Variants in WDR88 observed in about 807,000 individuals in gnomAD.
WDR88 encodes the protein WD repeat domain 88, also known as WD repeat-containing protein 88.
In WDR88, 40 loss-of-function variants were observed where a neutral mutation model predicts 46.8. The ratio of observed to expected loss-of-function variants is 0.86; its 90% CI spans 0.66 to 1.11. The LOEUF (loss-of-function observed/expected upper bound fraction) is 1.11, where lower values mean the gene tolerates loss of function less well. Among genes scored for constraint, WDR88 ranks in the 50% most tolerant of loss-of-function variants. The probability of loss-of-function intolerance (pLI) is 0.00; values close to 1 mark genes in which losing one functional copy is unlikely to be tolerated. For synonymous variants in WDR88, 235 were observed against 240.7 expected, an observed-to-expected ratio of 0.98 and a Z score of 0.22; for missense variants, 562 against 602.4, an observed-to-expected ratio of 0.93 and a Z score of 0.70.
At chr19:33,146,189 C>T (rs1038407374) in intron 3 of WDR88, among the ~76,000 whole-genome samples, 1 of 152,074 alleles carries the variant, frequency 6.6e-6, no homozygotes, top group African/African-American at 2.4e-5. Context: ...CCCAGCTACT[C>T]GGAGGCTTAG....
chr19:33,147,256 G>T (rs1280027655), intron 3 of WDR88, among the ~76,000 whole-genome samples: 1 of 151,266 alleles, frequency 6.6e-6, no homozygotes, highest in Non-Finnish European at 1.5e-5. Flanking sequence ...AAGGAAAGGC[G>T]GGGGGCGGGG....
At chr19:33,165,658 C>A (rs937324051) in intron 9 of WDR88, among the ~76,000 whole-genome samples, 1 of 144,920 alleles carries the variant, frequency 6.9e-6, no homozygotes, top group African/African-American at 2.6e-5. Flanking sequence ...TTTGGGAGGC[C>A]GAGGCGGGTG....
intron 7 of WDR88, among the ~76,000 whole-genome samples, chr19:33,157,209 A>C (rs1973752346): frequency 6.8e-6 from 1 of 148,058 alleles, no homozygotes; most frequent in Non-Finnish European, 1.5e-5. Flanking sequence ...AAAAGAAAAA[A>C]AAAAAGGCCA....
At chr19:33,170,475 C>T (rs917088173) in intron 9 of WDR88, among the ~76,000 whole-genome samples, 25 of 152,066 alleles carry the variant, frequency 1.6e-4, no homozygotes, top group Non-Finnish European at 3.1e-4. Context: ...CCACTGTGCC[C>T]GGCCCATTTT....
chr19:33,166,342 C>A (rs1169876675), intron 9 of WDR88, among the ~76,000 whole-genome samples: 1 of 149,562 alleles, frequency 6.7e-6, no homozygotes, highest in African/African-American at 2.5e-5. Flanking sequence ...GTAATCCCAG[C>A]ACTTTGGGAG....
chr19:33,174,604 A>C, intron 10 of WDR88: 8 of 984,552 alleles, frequency 8.1e-6, no homozygotes, highest in Non-Finnish European at 9.6e-6. Context: ...CACCTGCATC[A>C]ATCTGCTTCA....
intron 7 of WDR88, among the ~76,000 whole-genome samples, chr19:33,157,746 G>A (rs1169449119): frequency 7.6e-6 from 1 of 131,622 alleles, no homozygotes. Flanking sequence ...TAAAATTAAA[G>A]AGGTAAAGAG....
chr19:33,148,337 C>T (rs1055831915), intron 4 of WDR88, among the ~76,000 whole-genome samples: 2 of 152,060 alleles, frequency 1.3e-5, no homozygotes, highest in African/African-American at 4.8e-5. Flanking sequence ...TCCTTCCTTT[C>T]CTTAAAAAAC....
rs1568354984 is a variant in WDR88 at position 33,132,127 on chromosome 19, C to G, written c.-43C>G. ...GCGCGGGCGCGCGGCGCCACCGTTC[C>G]CATCCAGGCTTGTCGGCGGCCACCG... On this transcript the variant is annotated 5_prime_UTR_variant, in exon 1 of 11. Coordinates refer to ENST00000355868, the MANE Select transcript of WDR88 (RefSeq NM_173479.4). 5.2e-6 allele frequency: 8 copies of G among 1,535,354 alleles called. No homozygotes were observed. Among genetic ancestry groups the G allele is most frequent in the South Asian group, 1.2e-5 (1 of 83,014 alleles).
In WDR88 at chr19:33,175,787, T is replaced by C. The variant is rs1009674732; in HGVS notation, c.*215T>C. On this transcript the variant is annotated 3_prime_UTR_variant, in exon 11 of 11. Transcript: ENST00000355868. The stretch of plus-strand genomic sequence containing the variant: ...CCGTTTTCATGCAGAATAAATCTAA[T>C]TCCTTTGGAAAACAAGCGTGCATGT... The C allele has an allele frequency of 7.1e-6, 4 of 562,066 alleles. No homozygotes were observed. In the African/African-American group the frequency reaches 7.5e-5, roughly 11 times the overall value. The allele number at this position is 562,066 out of a possible 1,614,324, so 34.8% of individuals were successfully genotyped here. A position where few individuals can be genotyped will look rare whatever the true frequency, so the allele number is the denominator to read the frequency against.
intron 9 of WDR88, among the ~76,000 whole-genome samples, chr19:33,168,308 G>A (rs752984757): frequency 6.6e-6 from 1 of 152,188 alleles, no homozygotes; most frequent in Admixed American, 6.5e-5. Context: ...TTACAGGCAT[G>A]AGCCACCGTG....
chr19:33,156,564 G>C, intron 7 of WDR88, 22 bp downstream of exon 7: 1 of 1,604,442 alleles, frequency 6.2e-7, no homozygotes, highest in Non-Finnish European at 8.5e-7. Context: ...ACATGCAGAA[G>C]GCCTCCATTC....
chr19:33,145,442 A>G (rs990230947), intron 3 of WDR88, among the ~76,000 whole-genome samples: 1 of 151,666 alleles, frequency 6.6e-6, no homozygotes, highest in African/African-American at 2.4e-5. Context: ...GAGCCACTGT[A>G]CCTGGCCTGT....
rs200979883 is a variant in WDR88, at chr19:33,154,137, GA to G, written c.810-2215del. Among the ~76,000 whole-genome samples the G allele has an allele frequency of 1.9e-3, 295 of 152,236 alleles. 7 individuals carry two copies. The East Asian group carries it at 0.052, about 27-fold the overall frequency. ...CTTCTACGAGAAGTGGGATTTATGTGAAATGAGAGTCCATAGAGATACCTCT... is the reference window on the plus strand; with the variant it reads ...CTTCTACGAGAAGTGGGATTTATGTGAATGAGAGTCCATAGAGATACCTCT... On this transcript the variant is annotated intron_variant, in intron 6 of 10. Transcript: ENST00000355868.
chr19:33,134,599 G>A (rs1304470276), intron 1 of WDR88, among the ~76,000 whole-genome samples: 3 of 151,978 alleles, frequency 2.0e-5, no homozygotes, highest in Admixed American at 6.6e-5. Context: ...GGGGCGGTGC[G>A]GGAGGGCCGC....
chr19:33,135,059 G>T (rs200298105), intron 1 of WDR88, among the ~76,000 whole-genome samples: 13 of 151,116 alleles, frequency 8.6e-5, no homozygotes, highest in East Asian at 2.0e-4. Context: ...GGGTGGGTGG[G>T]GGGGGTGACA....
At chr19:33,163,516 A>C (rs1347521609) in intron 8 of WDR88, among the ~76,000 whole-genome samples, 1 of 151,708 alleles carries the variant, frequency 6.6e-6, no homozygotes, top group African/African-American at 2.4e-5. Context: ...AAACAAACAA[A>C]CCCCAAAAAA....
intron 6 of WDR88, 50 bp from the exon 7 acceptor site, chr19:33,156,305 T>C: frequency 6.3e-7 from 1 of 1,578,970 alleles, no homozygotes; most frequent in Non-Finnish European, 8.6e-7. Flanking sequence ...TGTCTTCAGG[T>C]CCTCCAGGAG....
Position 33,144,888 on chromosome 19 carries a change from C to G in WDR88, c.432C>G (p.Pro144=). 1 of 1,613,748 alleles carries G rather than the reference C, an allele frequency of 6.2e-7. No homozygotes were observed. The highest frequency in any genetic ancestry group is 8.5e-7 in the Non-Finnish European group (1 of 1,179,934). Reference sequence around the variant, plus strand: ...TGGTTCGCGATTTTGAGCACAGGCCCAAAGCTCCTGTTGTAGAGTGCAGCA... The same window carrying G: ...TGGTTCGCGATTTTGAGCACAGGCCGAAAGCTCCTGTTGTAGAGTGCAGCA... ...GSVVRDFEHR[P]KAPVVECSIT... Residue 144 remains proline, a synonymous_variant, in exon 3 of 11, where the codon CCC becomes CCG. Coordinates refer to ENST00000355868, the MANE Select transcript of WDR88 (RefSeq NM_173479.4).
Sources: gnomAD v4.1 joint callset for allele counts (sites outside exome capture counted in the v4.1 genomes callset) on GRCh38, gnomAD v4.1.1 for gene constraint, MANE v1.5 for transcripts, NCBI Gene and HGNC (gene_info 2026-07-23, HGNC 2026-07-21) for gene names.